RNF19A: variants seen among roughly 807,000 people sequenced by gnomAD.
The protein encoded by RNF19A is ring finger protein 19A, RBR E3 ubiquitin protein ligase, also known as E3 ubiquitin-protein ligase RNF19A.
In RNF19A, 32 loss-of-function variants were observed where a neutral mutation model predicts 75.7. That is an observed-to-expected ratio of 0.42 (90% confidence interval 0.32 to 0.57). The LOEUF (loss-of-function observed/expected upper bound fraction) is 0.57. Ranked by LOEUF, RNF19A falls within the 20% of genes least tolerant of loss-of-function variation. The pLI, the probability that RNF19A is intolerant of heterozygous loss-of-function variation, is 0.10. For missense variants in RNF19A, 782 were observed against 1,036.3 expected, an observed-to-expected ratio of 0.75 and a Z score of 3.37; for synonymous variants, 335 against 345.2, an observed-to-expected ratio of 0.97 and a Z score of 0.33.
intron 2 of RNF19A, among the ~76,000 whole-genome samples, chr8:100,279,709 T>C (rs528803776): frequency 2.0e-5 from 3 of 152,274 alleles, no homozygotes; most frequent in East Asian, 3.9e-4. Context: ...GTATCTTTAG[T>C]AGACACGGGG....
upstream of RNF19A, chr8:100,313,209 GC>G (rs1822326702): frequency 2.4e-6 from 1 of 417,300 alleles, no homozygotes; most frequent in Admixed American, 6.4e-5. Flanking sequence ...CAATGAAAAA[GC>G]CTACATATCC....
At position 100,275,632 on chromosome 8, in the gene RNF19A, G is replaced by C. The variant is rs1563842866; in HGVS notation, c.675-471C>G. Among the ~76,000 whole-genome samples, 1 of 151,852 alleles carries C rather than the reference G, an allele frequency of 6.6e-6. No homozygotes were observed. ...TAAAAAACCATATTAAATTAGTACA[G>C]TATTGTATGCACACAAAAAAAAGAC... On this transcript the variant is annotated intron_variant, in intron 2 of 9. Coordinates refer to ENST00000341084, the MANE Select transcript of RNF19A (RefSeq NM_183419.4). This position sits in a 1 kb window ranked among gnomAD's most constrained non-coding sequence, Gnocchi z 4.3.
chr8:100,319,347 A>G (rs1414777464), intron 1 of RNF19A, among the ~76,000 whole-genome samples: 2 of 152,116 alleles, frequency 1.3e-5, no homozygotes, highest in East Asian at 3.8e-4. Flanking sequence ...AAATAAGGTA[A>G]TAAATTCATG....
Position 100,329,217 on chromosome 8 carries a change from T to C in RNF19A, c.-243+6891A>G, listed in dbSNP as rs139202640. Among the ~76,000 whole-genome samples the C allele has an allele frequency of 7.6e-3, 1,155 of 152,164 alleles. 4 individuals are homozygous for C. Among genetic ancestry groups the C allele is most frequent in the Non-Finnish European group, 0.012 (783 of 68,004 alleles). On this transcript the variant is annotated intron_variant, in intron 1 of 3. Transcript: ENST00000519527. This position sits in a 1 kb window ranked among gnomAD's most constrained non-coding sequence, Gnocchi z 4.3. ...GCAGTGGCTGACTTGAAACCACAGG[T>C]CAAAGCTCATCTCACACATGCACAT... is the stretch of plus-strand genomic sequence containing the variant.
chr8:100,285,905 G>C (rs981940600), intron 2 of RNF19A, among the ~76,000 whole-genome samples: 2 of 152,152 alleles, frequency 1.3e-5, no homozygotes, highest in Admixed American at 6.5e-5. Context: ...TTCTGTAGAT[G>C]AAACATAACA....
chr8:100,301,761 T>G (rs1320274004), intron 1 of RNF19A, among the ~76,000 whole-genome samples: 1 of 152,208 alleles, frequency 6.6e-6, no homozygotes, highest in East Asian at 1.9e-4. Context: ...TCTAAATATT[T>G]TAATATTATT....
chr8:100,321,579 C>T (rs767983948), intron 1 of RNF19A, among the ~76,000 whole-genome samples: 4 of 152,222 alleles, frequency 2.6e-5, no homozygotes, highest in South Asian at 2.1e-4. Context: ...ATATTTTGAA[C>T]GCTTCCCATG....
chr8:100,286,081 T>C (rs1821003736), intron 2 of RNF19A, among the ~76,000 whole-genome samples: 1 of 152,218 alleles, frequency 6.6e-6, no homozygotes, highest in African/African-American at 2.4e-5. Context: ...CTTGCACCTG[T>C]GAAAACGTTA....
At chr8:100,303,705 C>T (rs1821941887) in intron 1 of RNF19A, among the ~76,000 whole-genome samples, 1 of 148,542 alleles carries the variant, frequency 6.7e-6, no homozygotes, top group South Asian at 2.1e-4. Context: ...GGGCGGATCA[C>T]TTGAGTCCAG....
At position 100,264,792 on chromosome 8, in the gene RNF19A, T is replaced by A. The variant is rs772543193; in HGVS notation, c.1192-7A>T. The A allele has an allele frequency of 1.3e-6, 2 of 1,593,174 alleles. No homozygotes were observed. The highest frequency in any genetic ancestry group is 3.3e-5 in the Admixed American group (2 of 59,768). ...CTTCATAGCGATTGTGAATCTTGAATTAATAAAAATAGGGGTGGGGGATTA... is the reference window on the plus strand; with the variant it reads ...CTTCATAGCGATTGTGAATCTTGAAATAATAAAAATAGGGGTGGGGGATTA... On this transcript the variant is annotated splice_polypyrimidine_tract_variant and splice_region_variant and intron_variant, in intron 5 of 9. Coordinates refer to ENST00000341084, the MANE Select transcript of RNF19A (RefSeq NM_183419.4). The surrounding 1 kb of genome is among the most constrained non-coding windows in gnomAD (Gnocchi z 4.7).
chr8:100,313,907 T>C (rs1822337051), upstream of RNF19A, among the ~76,000 whole-genome samples: 1 of 150,350 alleles, frequency 6.7e-6, no homozygotes, highest in Non-Finnish European at 1.5e-5. Context: ...AACTACTTTT[T>C]TTTTGAGACA....
At chr8:100,281,480 T>C (rs965481367) in intron 2 of RNF19A, among the ~76,000 whole-genome samples, 4 of 152,188 alleles carry the variant, frequency 2.6e-5, no homozygotes, top group East Asian at 1.9e-4. Flanking sequence ...AATTATACTA[T>C]TGATAACATC....
intron 1 of RNF19A, among the ~76,000 whole-genome samples, chr8:100,291,980 T>TC (rs1821318806): frequency 1.3e-5 from 2 of 150,752 alleles, no homozygotes; most frequent in Admixed American, 1.3e-4. Context: ...TTTTTTTTTT[T>TC]TTTTTTTTTC....
rs944351847 is a variant in RNF19A at position 100,259,837 on chromosome 8, A to G, written c.1826+17T>C. ...ATTTAAAAAATACTTTCAATTTTTT[A>G]ACAGTTTTTTCCTTACTTGTCCAAT... On this transcript the variant is annotated intron_variant, in intron 9 of 9. Coordinates refer to ENST00000341084, the MANE Select transcript of RNF19A (RefSeq NM_183419.4). This position sits in a 1 kb window ranked among gnomAD's most constrained non-coding sequence, Gnocchi z 4.5. The G allele has an allele frequency of 6.3e-7, 1 of 1,594,014 alleles. No homozygotes were observed. The highest frequency in any genetic ancestry group is 8.5e-7 in the Non-Finnish European group (1 of 1,169,678).
chr8:100,280,188 A>C (rs1249231628), intron 2 of RNF19A, among the ~76,000 whole-genome samples: 3 of 152,180 alleles, frequency 2.0e-5, no homozygotes, highest in African/African-American at 4.8e-5. Context: ...AGTTTTTAAA[A>C]ATTAACTAAA....
upstream of RNF19A, among the ~76,000 whole-genome samples, chr8:100,310,511 G>C (rs746942147): frequency 1.5e-4 from 23 of 152,236 alleles, no homozygotes; most frequent in Non-Finnish European, 2.5e-4. Flanking sequence ...CAGTTTGCCC[G>C]GCATTATTCA....
At chr8:100,318,748 A>C (rs1296208997) in intron 1 of RNF19A, among the ~76,000 whole-genome samples, 1 of 152,258 alleles carries the variant, frequency 6.6e-6, no homozygotes, top group East Asian at 1.9e-4. Context: ...CAAATAATGC[A>C]ACAAAGAACA....
At chr8:100,308,019 G>C (rs1194256350) in intron 1 of RNF19A, among the ~76,000 whole-genome samples, 1 of 152,068 alleles carries the variant, frequency 6.6e-6, no homozygotes, top group African/African-American at 2.4e-5. Context: ...GATCAACTGA[G>C]GCATCCCCTA....
intron 5 of RNF19A, among the ~76,000 whole-genome samples, chr8:100,267,328 A>G (rs988159899): frequency 3.9e-5 from 6 of 152,200 alleles, no homozygotes; most frequent in African/African-American, 1.4e-4. Flanking sequence ...TAAAATAAGT[A>G]AAAGTACATA....
Sources: gnomAD v4.1 joint callset for allele counts (sites outside exome capture counted in the v4.1 genomes callset) on GRCh38, gnomAD v4.1.1 for gene constraint, Gnocchi (gnomAD v3.1) non-coding constraint, MANE v1.5 for transcripts, NCBI Gene and HGNC (gene_info 2026-07-23, HGNC 2026-07-21) for gene names.